Variants in LAMA2 observed in about 807,000 individuals in gnomAD.
The protein encoded by LAMA2 is laminin subunit alpha-2.
A neutral mutation model predicts 364.8 loss-of-function variants in LAMA2; 269 were observed. The observed-to-expected ratio is 0.74, with a 90% CI of 0.67 to 0.82. The LOEUF (loss-of-function observed/expected upper bound fraction) is 0.82. Among genes scored for constraint, LAMA2 ranks in the 40% least tolerant of loss-of-function variants. The pLI, the probability that LAMA2 is intolerant of heterozygous loss-of-function variation, is 0.00. For synonymous variants in LAMA2, 1,379 were observed against 1,370.6 expected (o/e 1.01, Z -0.14); for missense variants, 3,807 against 3,873.2 (o/e 0.98, Z 0.45).
intron 12 of LAMA2, among the ~76,000 whole-genome samples, chr6:129,242,961 G>A (rs907337375): frequency 6.6e-6 from 1 of 152,006 alleles, no homozygotes; most frequent in African/African-American, 2.4e-5. Context: ...GTGATGTTTT[G>A]CAAATCTATT....
At chr6:129,392,210 A>G (rs967931459) in intron 36 of LAMA2, among the ~76,000 whole-genome samples, 1 of 152,178 alleles carries the variant, frequency 6.6e-6, no homozygotes, top group Admixed American at 6.5e-5. Context: ...TACCCATGCT[A>G]AAGAACTTTT....
In LAMA2 at chr6:129,496,386, G is replaced by C. The variant is rs370215842; in HGVS notation, c.8244+3903G>C. On this transcript the variant is annotated intron_variant, in intron 58 of 64. Transcript: ENST00000421865. ...TCTCCATGTTGGTCAGGCTGGTCTCGAACTGCCAACTTCAGGTGGTCTGCC... is the reference window on the plus strand; with the variant it reads ...TCTCCATGTTGGTCAGGCTGGTCTCCAACTGCCAACTTCAGGTGGTCTGCC... 1.8e-4 allele frequency among the ~76,000 whole-genome samples: 27 copies of C among 152,136 alleles called. No homozygotes were observed. The South Asian group carries it at 5.2e-3, about 29-fold the overall frequency.
At chr6:129,155,745 G>C (rs369565164) in intron 8 of LAMA2, among the ~76,000 whole-genome samples, 1 of 151,870 alleles carries the variant, frequency 6.6e-6, no homozygotes, top group African/African-American at 2.4e-5. Context: ...TTCCCTCTGC[G>C]TGCTAATACC....
chr6:129,436,883 G>A (rs1034972218), intron 41 of LAMA2: 1 of 152,002 alleles, frequency 6.6e-6, no homozygotes, highest in African/African-American at 2.4e-5. Context: ...TTAAAAATAT[G>A]GAACACTTTG....
At chr6:128,886,753 A>G (rs1028346016) in intron 1 of LAMA2, among the ~76,000 whole-genome samples, 1 of 152,198 alleles carries the variant, frequency 6.6e-6, no homozygotes, top group Non-Finnish European at 1.5e-5. Context: ...TTTGAATTTT[A>G]TAATATGGAG....
intron 9 of LAMA2, among the ~76,000 whole-genome samples, chr6:129,170,683 T>G (rs1002790386): frequency 6.6e-6 from 1 of 152,126 alleles, no homozygotes; most frequent in Non-Finnish European, 1.5e-5. Context: ...TTAGGTCCGC[T>G]TGGTGCAGAG....
chr6:128,970,966 A>G (rs932867452), intron 1 of LAMA2, among the ~76,000 whole-genome samples: 2 of 152,176 alleles, frequency 1.3e-5, no homozygotes, highest in Non-Finnish European at 2.9e-5. Flanking sequence ...ATAGGGGAAG[A>G]TAAGAAAAGG....
At chr6:129,457,156 G>A (rs1403612771) in intron 48 of LAMA2, among the ~76,000 whole-genome samples, 2 of 152,086 alleles carry the variant, frequency 1.3e-5, no homozygotes, top group South Asian at 2.1e-4. Context: ...ATCCTGAGTT[G>A]AGATTAGTCA....
At chr6:128,960,343 C>T (rs77314404) in intron 1 of LAMA2, among the ~76,000 whole-genome samples, 86 of 111,868 alleles carry the variant, frequency 7.7e-4, no homozygotes, top group South Asian at 1.4e-3. Flanking sequence ...TTTTTTTTTC[C>T]TTTTTTTTTT....
intron 37 of LAMA2, among the ~76,000 whole-genome samples, chr6:129,395,780 G>A (rs933623094): frequency 3.3e-5 from 5 of 152,162 alleles, no homozygotes; most frequent in African/African-American, 7.2e-5. Flanking sequence ...GATCCTAAAG[G>A]ATAAGCACTG....
chr6:129,053,474 AG>A (rs925571108), intron 2 of LAMA2, among the ~76,000 whole-genome samples: 7 of 152,170 alleles, frequency 4.6e-5, no homozygotes, highest in African/African-American at 9.7e-5. Context: ...GTAAGAGGAA[AG>A]GACATATGTC....
chr6:129,228,287 T>A (rs747683929), intron 12 of LAMA2, among the ~76,000 whole-genome samples: 2 of 152,042 alleles, frequency 1.3e-5, no homozygotes, highest in Non-Finnish European at 2.9e-5. Flanking sequence ...CCGGGTGAGG[T>A]GATGCCTCGC....
At position 129,507,476 on chromosome 6, in the gene LAMA2, T is replaced by A; in HGVS notation, c.8704-13T>A. 6.2e-7 allele frequency: 1 copy of A among 1,614,018 alleles called. No individual in the cohort carries two copies. Among genetic ancestry groups the A allele is most frequent in the Non-Finnish European group, 8.5e-7 (1 of 1,179,864 alleles). ...AAAACCTGACATTTGTTTCTTCTGA[T>A]CTGAATGTTTAGGTGACCTATAGCA... On this transcript the variant is annotated splice_polypyrimidine_tract_variant and intron_variant, in intron 61 of 64. Coordinates refer to ENST00000421865, the MANE Select transcript of LAMA2 (RefSeq NM_000426.4).
At chr6:128,967,666 T>C (rs984867439) in intron 1 of LAMA2, among the ~76,000 whole-genome samples, 2 of 152,128 alleles carry the variant, frequency 1.3e-5, no homozygotes, top group South Asian at 2.1e-4. Context: ...CATGGGTTCC[T>C]AGGAGGAAAA....
intron 30 of LAMA2, among the ~76,000 whole-genome samples, chr6:129,345,758 A>G (rs1776511998): frequency 6.6e-6 from 1 of 152,184 alleles, no homozygotes; most frequent in Non-Finnish European, 1.5e-5. Context: ...CATTTTTAGA[A>G]AAAAAATTTT....
chr6:129,113,940 G>C (rs1275437999), intron 4 of LAMA2, among the ~76,000 whole-genome samples: 4 of 152,012 alleles, frequency 2.6e-5, no homozygotes, highest in African/African-American at 9.7e-5. Context: ...AGCACAGTTG[G>C]TGCCTAACTT....
chr6:129,288,186 A>T (rs1002198237), intron 19 of LAMA2, 128 bp downstream of exon 19: 2 of 785,600 alleles, frequency 2.5e-6, no homozygotes, highest in African/African-American at 3.4e-5. Context: ...GATGCATAGA[A>T]TATACAGAGT....
intron 17 of LAMA2, among the ~76,000 whole-genome samples, chr6:129,279,174 C>G (rs1472542177): frequency 6.6e-6 from 1 of 152,066 alleles, no homozygotes; most frequent in Non-Finnish European, 1.5e-5. Context: ...CGCAACAGAC[C>G]TTACAGAATT....
chr6:129,211,764 C>T (rs550744936), intron 12 of LAMA2, among the ~76,000 whole-genome samples: 3 of 152,280 alleles, frequency 2.0e-5, no homozygotes, highest in African/African-American at 7.2e-5. Flanking sequence ...GTTAGGCCTT[C>T]TCTGCACAAT....
Sources: gnomAD v4.1 joint callset for allele counts (sites outside exome capture counted in the v4.1 genomes callset) on GRCh38, gnomAD v4.1.1 for gene constraint, MANE v1.5 for transcripts, NCBI Gene and HGNC (gene_info 2026-07-23, HGNC 2026-07-21) for gene names.